The following GNG7 variants were observed in gnomAD, a reference collection of about 807,000 sequenced individuals.
GNG7 encodes guanine nucleotide-binding protein G(I)/G(S)/G(O) subunit gamma-7.
Under a neutral mutation model 4.0 loss-of-function variants are expected in GNG7, and 1 was observed. That is an observed-to-expected ratio of 0.25 (90% CI 0.09 to 1.18). The LOEUF (loss-of-function observed/expected upper bound fraction) is 1.18. Among genes scored for constraint, GNG7 ranks in the 50% most tolerant of loss-of-function variants. The pLI is 0.50. For synonymous variants in GNG7, 34 were observed against 36.9 expected, an observed-to-expected ratio of 0.92 and a Z score of 0.29; for missense variants, 86 against 91.9, an observed-to-expected ratio of 0.94 and a Z score of 0.26.
chr19:2,598,468 T>C (rs1222404691), intron 2 of GNG7, among the ~76,000 whole-genome samples: 2 of 150,182 alleles, frequency 1.3e-5, no homozygotes, highest in Non-Finnish European at 1.5e-5. Flanking sequence ...CCATCCTGGC[T>C]AACACGGTGA....
chr19:2,622,923 G>A (rs1359115122), intron 2 of GNG7, among the ~76,000 whole-genome samples: 3 of 152,238 alleles, frequency 2.0e-5, no homozygotes, highest in Non-Finnish European at 2.9e-5. Context: ...CTAGAGCTCT[G>A]ACACCCCGGG....
chr19:2,643,534 C>T (rs1448914129), intron 2 of GNG7: 6 of 379,098 alleles, frequency 1.6e-5, no homozygotes, highest in African/African-American at 7.9e-5. Flanking sequence ...CGGCCCTGCA[C>T]CATGTCCACT....
intron 1 of GNG7, among the ~76,000 whole-genome samples, chr19:2,684,640 C>T (rs1321945748): frequency 6.6e-6 from 1 of 152,196 alleles, no homozygotes; most frequent in Non-Finnish European, 1.5e-5. Flanking sequence ...AAGGACACAT[C>T]CTCCGTGATC....
At chr19:2,535,639 C>T (rs1978712579) in intron 3 of GNG7, among the ~76,000 whole-genome samples, 1 of 152,186 alleles carries the variant, frequency 6.6e-6, no homozygotes, top group Admixed American at 6.6e-5. Context: ...TCTCTTTCCC[C>T]TGTGACATAT....
At chr19:2,699,990 A>C (rs1913361934) in intron 1 of GNG7, among the ~76,000 whole-genome samples, 4 of 152,280 alleles carry the variant, frequency 2.6e-5, no homozygotes. Context: ...TCCTGCCACC[A>C]GGTGTGGGCA....
At chr19:2,660,471 A>G (rs1299054998) in intron 1 of GNG7, among the ~76,000 whole-genome samples, 5 of 152,196 alleles carry the variant, frequency 3.3e-5, no homozygotes, top group Non-Finnish European at 7.3e-5. Flanking sequence ...ACAAGAAGAC[A>G]AGCTAGAAAG....
At chr19:2,651,090 G>A (rs1484720462) in intron 1 of GNG7, among the ~76,000 whole-genome samples, 1 of 152,158 alleles carries the variant, frequency 6.6e-6, no homozygotes, top group Non-Finnish European at 1.5e-5. Context: ...TCAGCAGGGA[G>A]AGATCAGTCC....
At chr19:2,525,198 G>A (rs1978353173) in intron 3 of GNG7, among the ~76,000 whole-genome samples, 1 of 152,178 alleles carries the variant, frequency 6.6e-6, no homozygotes, top group Admixed American at 6.5e-5. Context: ...CCCGTGGCCC[G>A]GGGAAGCTGT....
intron 2 of GNG7, among the ~76,000 whole-genome samples, chr19:2,567,719 G>T (rs533727187): frequency 6.6e-6 from 1 of 152,234 alleles, no homozygotes; most frequent in Admixed American, 6.5e-5. Context: ...CTGGGCCACA[G>T]AGCCGAAAAC....
At chr19:2,590,876 TCCATCCAC>T (rs1411607737) in intron 2 of GNG7, among the ~76,000 whole-genome samples, 1 of 149,980 alleles carries the variant, frequency 6.7e-6, no homozygotes, top group Non-Finnish European at 1.5e-5. Flanking sequence ...CACCCATCCA[TCCATCCAC>T]CCATCCATCC....
At position 2,611,158 on chromosome 19, in the gene GNG7, C is replaced by T. The variant is rs945626654; in HGVS notation, c.-78+35066G>A. On this transcript the variant is annotated intron_variant, in intron 2 of 4. Transcript: ENST00000382159. The surrounding 1 kb of genome is among the most constrained non-coding windows in gnomAD (Gnocchi z 6.0). ...CCCGCCACCCCGACCCTTACTAAGC[C>T]GCTCAGCCCAGGGATCCAGGGCCCT... 4 of 152,254 alleles carry T rather than the reference C, an allele frequency of 2.6e-5. No individual in the cohort carries two copies. The highest frequency in any genetic ancestry group is 9.6e-5 in the African/African-American group (4 of 41,456). 9.4% of individuals were successfully genotyped at this position (152,254 alleles called of 1,614,324 possible).
chr19:2,659,113 G>C (rs940850443), intron 1 of GNG7, among the ~76,000 whole-genome samples: 1 of 152,026 alleles, frequency 6.6e-6, no homozygotes, highest in African/African-American at 2.4e-5. Context: ...GGGACTACAG[G>C]CGCCCGCCAC....
At chr19:2,581,903 G>A (rs1980515808) in intron 2 of GNG7, among the ~76,000 whole-genome samples, 1 of 152,152 alleles carries the variant, frequency 6.6e-6, no homozygotes, top group Non-Finnish European at 1.5e-5. Flanking sequence ...TTTTGTGGAG[G>A]GTTTGGCATG....
chr19:2,540,686 C>T (rs1043334593), intron 3 of GNG7, among the ~76,000 whole-genome samples: 26 of 152,270 alleles, frequency 1.7e-4, no homozygotes, highest in Admixed American at 2.6e-4. Context: ...CTGTCTCTGC[C>T]GAGCAGACAG....
chr19:2,542,921 T>A (rs1979010561), intron 3 of GNG7, among the ~76,000 whole-genome samples: 1 of 150,338 alleles, frequency 6.7e-6, no homozygotes, highest in Non-Finnish European at 1.5e-5. Context: ...TTTTGTTTTG[T>A]TTTGTTTTTG....
intron 2 of GNG7, among the ~76,000 whole-genome samples, chr19:2,635,298 C>G (rs1183051321): frequency 6.6e-6 from 1 of 152,234 alleles, no homozygotes; most frequent in Non-Finnish European, 1.5e-5. Context: ...CCCCCAGCCC[C>G]AGTGTCTCCT....
chr19:2,547,192 G>A (rs764806083), intron 3 of GNG7, among the ~76,000 whole-genome samples: 13 of 151,044 alleles, frequency 8.6e-5, no homozygotes, highest in South Asian at 2.1e-4. Flanking sequence ...CCCCTTCTCC[G>A]CACACTGGCA....
intron 1 of GNG7, among the ~76,000 whole-genome samples, chr19:2,654,779 C>T (rs1982921610): frequency 8.9e-6 from 1 of 112,642 alleles, no homozygotes; most frequent in Non-Finnish European, 2.0e-5. Context: ...GCAGGGTCTC[C>T]CCCCTCTGCA....
chr19:2,673,297 A>C lies in GNG7; in HGVS notation c.-134-27017T>G, dbSNP rs548588717. Among the ~76,000 whole-genome samples the C allele has an allele frequency of 2.4e-3, 369 of 150,726 alleles. 3 individuals are homozygous for C. Among genetic ancestry groups the C allele is most frequent in the Middle Eastern group, 0.014 (4 of 290 alleles). Reference sequence around the variant, plus strand: ...ACAAAACAAAACAAAACAAAAAAAAACCCAGCAGGTCATCAAAACCAATGA... The same window carrying C: ...ACAAAACAAAACAAAACAAAAAAAACCCCAGCAGGTCATCAAAACCAATGA... On this transcript the variant is annotated intron_variant, in intron 1 of 4. Coordinates refer to ENST00000382159, the MANE Select transcript of GNG7 (RefSeq NM_052847.3).
Sources: gnomAD v4.1 joint callset for allele counts (sites outside exome capture counted in the v4.1 genomes callset) on GRCh38, gnomAD v4.1.1 for gene constraint, Gnocchi (gnomAD v3.1) non-coding constraint, MANE v1.5 for transcripts, NCBI Gene and HGNC (gene_info 2026-07-23, HGNC 2026-07-21) for gene names.